Variants in SLC6A12 observed in about 807,000 individuals in gnomAD.
SLC6A12 encodes sodium- and chloride-dependent betaine transporter.
In SLC6A12, 50 loss-of-function variants were observed where a neutral mutation model predicts 73.3. The observed-to-expected ratio is 0.68, with a 90% CI of 0.54 to 0.86. The LOEUF is 0.86. Among genes scored for constraint, SLC6A12 ranks in the 40% least tolerant of loss-of-function variants. The pLI, the probability that SLC6A12 is intolerant of heterozygous loss-of-function variation, is 0.00. For missense variants in SLC6A12, 648 were observed against 772.8 expected (o/e 0.84, Z 1.92); for synonymous variants, 304 against 309.2 (o/e 0.98, Z 0.18).
intron 2 of SLC6A12, chr12:210,325 T>C: frequency 8.4e-7 from 1 of 1,190,518 alleles, no homozygotes; most frequent in South Asian, 1.8e-5. Context: ...CATTTTCATG[T>C]CCCTTTTTAT....
chr12:200,262 C>T (rs574768130), intron 7 of SLC6A12, among the ~76,000 whole-genome samples: 6 of 151,038 alleles, frequency 4.0e-5, no homozygotes, highest in East Asian at 1.9e-4. Context: ...GTGCCCACCA[C>T]CACGCCCGGC....
chr12:193,484 T>C (rs1939712492), intron 13 of SLC6A12, 107 bp from the exon 14 acceptor site: 5 of 762,048 alleles, frequency 6.6e-6, no homozygotes, highest in East Asian at 2.7e-5. Context: ...ACCCCCGCCC[T>C]GTGCAGGGAA....
Position 196,693 on chromosome 12 carries a change from G to A in SLC6A12, c.1188+77C>T, listed in dbSNP as rs1035451743. Reference sequence around the variant, plus strand: ...GTGTGGTCAGGGGAGTGGGAGTGAGGGGAAAGTAGTCCCAGGACAAGCAAA... The same window carrying A: ...GTGTGGTCAGGGGAGTGGGAGTGAGAGGAAAGTAGTCCCAGGACAAGCAAA... On this transcript the variant is annotated intron_variant, in intron 11 of 15. Coordinates refer to ENST00000684302, the MANE Select transcript of SLC6A12 (RefSeq NM_001122848.3). 46 of 1,020,842 alleles carry A rather than the reference G, an allele frequency of 4.5e-5. No homozygotes were observed. The African/African-American group carries it at 6.7e-4, about 15-fold the overall frequency. 63.2% of individuals were successfully genotyped at this position (1,020,842 alleles called of 1,614,324 possible). A position where few individuals can be genotyped will look rare whatever the true frequency, so the allele number is the denominator to read the frequency against.
downstream of SLC6A12, among the ~76,000 whole-genome samples, chr12:185,312 T>G (rs1276091290): frequency 6.6e-6 from 1 of 152,190 alleles, no homozygotes; most frequent in African/African-American, 2.4e-5. Flanking sequence ...AAATTCCAAA[T>G]GCACTTGTTC....
At position 200,233 on chromosome 12, in the gene SLC6A12, TGC is replaced by T. The variant is rs1940155909; in HGVS notation, c.711+416_711+417del. ...ACGCCATTCTCCTGCCTCAGCCTCC[TGC>T]ATAGCTGGGACTACAGGTGCCCACC... On this transcript the variant is annotated intron_variant, in intron 7 of 15. Transcript: ENST00000684302. Among the ~76,000 whole-genome samples the T allele has an allele frequency of 8.7e-5, 13 of 149,158 alleles. 1 individual carries two copies.
chr12:193,396 G>A lies in SLC6A12; in HGVS notation c.1430-19C>T, dbSNP rs1939707323. On this transcript the variant is annotated intron_variant, in intron 13 of 15. Coordinates refer to ENST00000684302, the MANE Select transcript of SLC6A12 (RefSeq NM_001122848.3). Reference sequence around the variant, plus strand: ...TCCGCCCCTGAGCAGGCATGGCGTGGGAGAGTGTGAGAGCCAGAGGGTGAG... The same window carrying A: ...TCCGCCCCTGAGCAGGCATGGCGTGAGAGAGTGTGAGAGCCAGAGGGTGAG... The A allele has an allele frequency of 1.3e-6, 2 of 1,591,614 alleles. No individual in the cohort carries two copies. The highest frequency in any genetic ancestry group is 2.7e-5 in the African/African-American group (2 of 74,476).
intron 15 of SLC6A12, among the ~76,000 whole-genome samples, chr12:191,932 G>A (rs1939619515): frequency 1.3e-5 from 2 of 152,178 alleles, no homozygotes; most frequent in Non-Finnish European, 2.9e-5. Flanking sequence ...AACTGTTGGA[G>A]GTTGGGTTTT....
Position 195,319 on chromosome 12 carries a change from C to T in SLC6A12, c.1335G>A (p.Met445Ile), listed in dbSNP as rs1365734565. The stretch of plus-strand genomic sequence containing the variant: ...AGTAGTCAAACAGCTGGAAGATGTA[C>T]ATCCCGCCCTGTGGGGAGAGCGTGG... Reference protein sequence around the residue: ...IGLFLVTEGGMYIFQLFDYYA... With the variant: ...IGLFLVTEGGIYIFQLFDYYA... Residue 445 changes from methionine (M) to isoleucine (I), a missense_variant, in exon 13 of 16, where the codon ATG becomes ATA. By Grantham distance (10) the Met-to-Ile change is conservative. Coordinates refer to ENST00000684302, the MANE Select transcript of SLC6A12 (RefSeq NM_001122848.3). 3 of 1,607,352 alleles carry T rather than the reference C, an allele frequency of 1.9e-6. No homozygotes were observed. The highest frequency in any genetic ancestry group is 1.7e-5 in the Admixed American group (1 of 60,018).
intron 14 of SLC6A12, 120 bp downstream of exon 14, chr12:193,157 C>A (rs1193995966): frequency 1.4e-6 from 1 of 730,978 alleles, no homozygotes; most frequent in South Asian, 1.6e-5. Flanking sequence ...GGAAATGGAC[C>A]AGGCCCCACG....
the SLC6A12 span, among the ~76,000 whole-genome samples, chr12:184,103 T>A: frequency 7.7e-4 from 117 of 152,052 alleles, no homozygotes; most frequent in African/African-American, 2.8e-3. Context: ...CAAAAAAAAA[T>A]ATGCCATAAC....
At chr12:187,227 AGAGT>A (rs1463901919), downstream of SLC6A12, among the ~76,000 whole-genome samples, 3 of 152,276 alleles carry the variant, frequency 2.0e-5, no homozygotes, top group Admixed American at 6.5e-5. Context: ...AAGTGTGCCC[AGAGT>A]AAGTGGGTTC....
intron 14 of SLC6A12, chr12:193,009 C>G (rs1939683331): frequency 2.5e-5 from 13 of 525,352 alleles, no homozygotes; most frequent in Middle Eastern, 5.0e-4. Flanking sequence ...GACAGGAGAC[C>G]AACCATCGAG....
intron 12 of SLC6A12, 121 bp downstream of exon 12, chr12:196,003 G>A (rs1939840496): frequency 1.1e-6 from 1 of 870,172 alleles, no homozygotes; most frequent in African/African-American, 1.7e-5. Flanking sequence ...TGGAGAGGCA[G>A]GGCAGGCGTT....
chr12:193,674 G>C (rs570655433), intron 13 of SLC6A12, among the ~76,000 whole-genome samples: 1 of 152,366 alleles, frequency 6.6e-6, no homozygotes, highest in Non-Finnish European at 1.5e-5. Context: ...CAAAGGAGTG[G>C]TGTGAGCCCA....
chr12:198,089 C>T lies in SLC6A12; in HGVS notation c.847-86G>A. 9.5e-7 allele frequency: 1 copy of T among 1,054,266 alleles called. No homozygotes were observed. Among genetic ancestry groups the T allele is most frequent in the Non-Finnish European group, 1.5e-6 (1 of 687,574 alleles). The allele number at this position is 1,054,266 out of a possible 1,614,324, so 65.3% of individuals were successfully genotyped here. On this transcript the variant is annotated intron_variant, in intron 8 of 15. Coordinates refer to ENST00000684302, the MANE Select transcript of SLC6A12 (RefSeq NM_001122848.3). This position sits in a 1 kb window ranked among gnomAD's most constrained non-coding sequence, Gnocchi z 4.0. The stretch of plus-strand genomic sequence containing the variant: ...CGAGATCCAGACCCGTCCCCTGCAG[C>T]ACCAGCCTGGCCCCTCAGTGCTCCC...
At chr12:184,751 AAAAT>A in the SLC6A12 span, among the ~76,000 whole-genome samples, 43,427 of 151,160 alleles carry the variant, frequency 0.29, 6,738 homozygotes, top group South Asian at 0.47. Flanking sequence ...CTCCGTCTCA[AAAAT>A]AAATAAATAA....
the SLC6A12 span, among the ~76,000 whole-genome samples, chr12:184,573 A>T: frequency 3.9e-5 from 6 of 152,098 alleles, no homozygotes; most frequent in African/African-American, 1.4e-4. Context: ...ACACGGTGAA[A>T]CCCCATCTCT....
At chr12:188,282 C>T (rs76600218), downstream of SLC6A12, among the ~76,000 whole-genome samples, 737 of 152,322 alleles carry the variant, frequency 4.8e-3, 14 homozygotes, top group Admixed American at 0.036. Flanking sequence ...CAGCTAAGGC[C>T]CAGCGAGAAA....
chr12:192,820 CGG>C (rs1939665703), intron 14 of SLC6A12, among the ~76,000 whole-genome samples, 172 bp from the exon 15 acceptor site: 2 of 150,418 alleles, frequency 1.3e-5, no homozygotes, highest in Non-Finnish European at 2.9e-5. Context: ...ACATCACAGA[CGG>C]AGACAGGAGG....
Sources: allele counts gnomAD v4.1 joint callset (sites outside exome capture counted in the v4.1 genomes callset), GRCh38; gene constraint gnomAD v4.1.1; non-coding constraint Gnocchi (gnomAD v3.1); transcripts MANE v1.5; gene names NCBI Gene and HGNC (gene_info 2026-07-23, HGNC 2026-07-21).